Variants in PTPRN2 observed in about 807,000 individuals in gnomAD.
PTPRN2 encodes receptor-type tyrosine-protein phosphatase N2.
In PTPRN2, 74 loss-of-function variants were observed where a neutral mutation model predicts 118.8. The ratio of observed to expected loss-of-function variants is 0.62; its 90% confidence interval spans 0.52 to 0.76. The LOEUF is 0.76. Among genes scored for constraint, PTPRN2 ranks in the 30% least tolerant of loss-of-function variants. PTPRN2 has a pLI of 0.00. For synonymous variants in PTPRN2, 641 were observed against 608.0 expected (o/e 1.05, Z -0.80); for missense variants, 1,481 against 1,394.4 (o/e 1.06, Z -0.99).
intron 14 of PTPRN2, among the ~76,000 whole-genome samples, chr7:157,637,980 T>C (rs1362998403): frequency 1.3e-5 from 2 of 152,226 alleles, no homozygotes; most frequent in Non-Finnish European, 2.9e-5. Context: ...AAACACTGAA[T>C]TCTATAGCAC....
intron 2 of PTPRN2, among the ~76,000 whole-genome samples, chr7:158,405,921 C>T (rs13306928): frequency 1.5e-5 from 2 of 135,050 alleles, no homozygotes; most frequent in African/African-American, 5.7e-5. Flanking sequence ...CCGTGAGACA[C>T]GTGGCCGCAC....
In PTPRN2 at chr7:158,133,765, C is replaced by A; in HGVS notation, c.1468G>T (p.Gly490Cys). 6.2e-7 allele frequency: 1 copy of A among 1,613,854 alleles called. No individual in the cohort carries two copies. The highest frequency in any genetic ancestry group is 8.5e-7 in the Non-Finnish European group (1 of 1,179,930). Reference protein sequence around the residue: ...PSKEEQSLPAGAQEALSDGLQ... With the variant: ...PSKEEQSLPACAQEALSDGLQ... ...CCGTCGCTGAGGGCCTCCTGAGCAC[C>A]CGCTGGAAGGCTCTGCTCCTCCTTC... The change falls in exon 9 of 23, where the codon GGT (glycine) becomes TGT (cysteine). Residue 490 changes from glycine to cysteine, a missense_variant. By Grantham distance (159) the Gly-to-Cys change is radical. Coordinates refer to ENST00000389418, the MANE Select transcript of PTPRN2 (RefSeq NM_002847.5).
At chr7:158,458,255 A>G (rs1818680902) in intron 2 of PTPRN2, among the ~76,000 whole-genome samples, 1 of 152,176 alleles carries the variant, frequency 6.6e-6, no homozygotes, top group African/African-American at 2.4e-5. Context: ...TTCAAAGGAC[A>G]ATGCTCAGAC....
chr7:158,201,629 C>G (rs1826655549), intron 4 of PTPRN2, among the ~76,000 whole-genome samples: 1 of 152,162 alleles, frequency 6.6e-6, no homozygotes, highest in African/African-American at 2.4e-5. Flanking sequence ...CAATAAGAAG[C>G]ATCTTACAAC....
intron 13 of PTPRN2, among the ~76,000 whole-genome samples, chr7:157,663,229 C>T (rs925690285): frequency 1.3e-5 from 2 of 152,058 alleles, no homozygotes; most frequent in Non-Finnish European, 2.9e-5. Context: ...ACCAGGCCCG[C>T]GAGGAGGTCA....
intron 3 of PTPRN2, among the ~76,000 whole-genome samples, chr7:158,246,128 CTAAT>C (rs1344648630): frequency 1.8e-5 from 1 of 56,502 alleles, no homozygotes; most frequent in Non-Finnish European, 3.3e-5. Context: ...GCTGCATTCA[CTAAT>C]TGATTGATTG....
intron 12 of PTPRN2, among the ~76,000 whole-genome samples, chr7:157,853,904 T>C (rs75957928): frequency 0.023 from 3,469 of 152,142 alleles, 121 homozygotes; most frequent in African/African-American, 0.076. Flanking sequence ...CGGGGGTCCT[T>C]ATCAAAGGCG....
intron 10 of PTPRN2, among the ~76,000 whole-genome samples, chr7:158,110,032 C>T (rs1158462073): frequency 1.3e-5 from 1 of 77,042 alleles, no homozygotes; most frequent in African/African-American, 3.4e-5. Flanking sequence ...TGATGTCACC[C>T]GTGTGAAGGG....
chr7:158,212,725 C>T (rs1827694082), intron 3 of PTPRN2, among the ~76,000 whole-genome samples: 1 of 152,152 alleles, frequency 6.6e-6, no homozygotes, highest in Non-Finnish European at 1.5e-5. Context: ...ACCCGCCACT[C>T]ACCCACTCCT....
intron 21 of PTPRN2, among the ~76,000 whole-genome samples, chr7:157,568,579 C>G (rs1799600338): frequency 6.6e-6 from 1 of 152,228 alleles, no homozygotes; most frequent in Non-Finnish European, 1.5e-5. Flanking sequence ...GAGGTTAACG[C>G]TGCAGCGTAT....
chr7:157,799,842 T>C (rs1805126718), intron 12 of PTPRN2, among the ~76,000 whole-genome samples: 3 of 118,138 alleles, frequency 2.5e-5, no homozygotes, highest in Admixed American at 7.9e-5. Flanking sequence ...CCTCCATCCC[T>C]CAGAGGCACC....
At chr7:157,758,730 T>C in intron 12 of PTPRN2, among the ~76,000 whole-genome samples, 1 of 148,458 alleles carries the variant, frequency 6.7e-6, no homozygotes, top group South Asian at 2.2e-4. Flanking sequence ...CTCAGAGACG[T>C]GGAGGCAGTG....
intron 11 of PTPRN2, among the ~76,000 whole-genome samples, chr7:158,065,742 T>TA (rs1304918959): frequency 8.5e-5 from 13 of 152,164 alleles, no homozygotes; most frequent in East Asian, 1.9e-4. Context: ...ACGAGGACCT[T>TA]AAAAAAAACC....
At chr7:158,103,870 T>TA (rs1436680523) in intron 10 of PTPRN2, among the ~76,000 whole-genome samples, 11 of 150,218 alleles carry the variant, frequency 7.3e-5, no homozygotes, top group Non-Finnish European at 1.5e-4. Context: ...TTATTATTAT[T>TA]TTTTTTTTTT....
rs148400529 is a variant in PTPRN2 at position 158,023,771 on chromosome 7, T to G, written c.1723+57527A>C. 2.1e-3 allele frequency among the ~76,000 whole-genome samples: 320 copies of G among 152,324 alleles called. 2 individuals are homozygous for G. The highest frequency in any genetic ancestry group is 3.6e-3 in the Non-Finnish European group (242 of 68,032). On this transcript the variant is annotated intron_variant, in intron 11 of 22. Coordinates refer to ENST00000389418, the MANE Select transcript of PTPRN2 (RefSeq NM_002847.5). ...TTGCCCTCATCAAGCCACTCAGTCATGTCAGTCCCTCCTGAGTCATGCACA... is the reference window on the plus strand; with the variant it reads ...TTGCCCTCATCAAGCCACTCAGTCAGGTCAGTCCCTCCTGAGTCATGCACA...
chr7:157,906,862 T>C (rs1797800617), intron 11 of PTPRN2, among the ~76,000 whole-genome samples: 1 of 152,174 alleles, frequency 6.6e-6, no homozygotes, highest in Non-Finnish European at 1.5e-5. Context: ...CGCCAGGGTC[T>C]GAAGCTTCCT....
chr7:157,610,805 G>A lies in PTPRN2; in HGVS notation c.2345-6730C>T, dbSNP rs938392908. On this transcript the variant is annotated intron_variant, in intron 15 of 22. Transcript: ENST00000389418. The surrounding 1 kb of genome is among the most constrained non-coding windows in gnomAD (Gnocchi z 5.1). Reference sequence around the variant, plus strand: ...GGGGCAGGTCCTCTTCCTCCCACACGCTCCTGTCCTTAGTCAGCAGGCAGA... The same window carrying A: ...GGGGCAGGTCCTCTTCCTCCCACACACTCCTGTCCTTAGTCAGCAGGCAGA... Among the ~76,000 whole-genome samples the A allele has an allele frequency of 1.3e-5, 2 of 152,208 alleles. No homozygotes were observed. The highest frequency in any genetic ancestry group is 2.9e-5 in the Non-Finnish European group (2 of 68,044).
chr7:157,980,556 G>C (rs1409844222), intron 11 of PTPRN2, among the ~76,000 whole-genome samples: 2 of 152,172 alleles, frequency 1.3e-5, no homozygotes, highest in African/African-American at 2.4e-5. Flanking sequence ...TTCGAGACCA[G>C]CCTGGCCAAC....
intron 2 of PTPRN2, among the ~76,000 whole-genome samples, chr7:158,341,422 C>G (rs1420828466): frequency 7.4e-5 from 11 of 149,542 alleles, no homozygotes; most frequent in East Asian, 2.0e-4. Flanking sequence ...AGAGGTCACT[C>G]ACACCCACAC....
Sources: allele counts gnomAD v4.1 joint callset (sites outside exome capture counted in the v4.1 genomes callset), GRCh38; gene constraint gnomAD v4.1.1; non-coding constraint Gnocchi (gnomAD v3.1); transcripts MANE v1.5; gene names NCBI Gene and HGNC (gene_info 2026-07-23, HGNC 2026-07-21).